ZNF362: variants seen among roughly 807,000 people sequenced by gnomAD.
ZNF362 encodes the protein rotund homolog.
A neutral mutation model predicts 42.9 loss-of-function variants in ZNF362; 11 were observed. That is an observed-to-expected ratio of 0.26 (90% CI 0.16 to 0.42). The LOEUF (loss-of-function observed/expected upper bound fraction) is 0.42. ZNF362 is among the 20% of genes least tolerant of loss of function. The pLI is 1.00. For synonymous variants in ZNF362, 255 were observed against 257.3 expected, an observed-to-expected ratio of 0.99 and a Z score of 0.09; for missense variants, 362 against 576.2, an observed-to-expected ratio of 0.63 and a Z score of 3.81.
the ZNF362 span, chr1:33,145,471 A>G: frequency 6.1e-6 from 1 of 165,146 alleles, no homozygotes; most frequent in Admixed American, 5.8e-5. Context: ...TTAAATAAAA[A>G]TACTGCTGGG....
chr1:33,164,643 T>G, the ZNF362 span: 1 of 152,526 alleles, frequency 6.6e-6, no homozygotes, highest in Admixed American at 6.5e-5. Context: ...CTGCAGAGTT[T>G]GGCCCTACCT....
chr1:33,188,977 G>A, the ZNF362 span, among the ~76,000 whole-genome samples: 1 of 152,126 alleles, frequency 6.6e-6, no homozygotes, highest in Non-Finnish European at 1.5e-5. Context: ...TTGCAGTCTT[G>A]CTCTTCACGA....
the ZNF362 span, among the ~76,000 whole-genome samples, chr1:33,151,890 G>A: frequency 2.0e-5 from 3 of 152,240 alleles, no homozygotes; most frequent in Admixed American, 1.3e-4. Context: ...CTGCTTGGCA[G>A]TGAGTGGATT....
In ZNF362 at chr1:33,280,458, G is replaced by T; in HGVS notation, c.683+1G>T. 1 of 1,577,774 alleles carries T rather than the reference G, an allele frequency of 6.3e-7. No homozygotes were observed. Among genetic ancestry groups the T allele is most frequent in the Non-Finnish European group, 8.6e-7 (1 of 1,159,184 alleles). ...CTGCCAAGGAGGGCAAGACGTACAG[G>T]TGGGGGTCTTGGCGGGATGGGGTCC... On this transcript the variant is annotated splice_donor_variant, in intron 5 of 8. Transcript: ENST00000539719. LOFTEE classifies it high-confidence loss of function. The surrounding 1 kb of genome is among the most constrained non-coding windows in gnomAD (Gnocchi z 5.6).
the ZNF362 span, among the ~76,000 whole-genome samples, chr1:33,203,746 C>T: frequency 6.6e-6 from 1 of 152,130 alleles, no homozygotes; most frequent in Admixed American, 6.5e-5. Flanking sequence ...TTTTCATACA[C>T]GTATTGACCA....
intron 6 of ZNF362, among the ~76,000 whole-genome samples, chr1:33,291,059 T>G (rs1646074488): frequency 6.6e-6 from 1 of 152,256 alleles, no homozygotes; most frequent in Non-Finnish European, 1.5e-5. Flanking sequence ...GCAGAAACTC[T>G]TTAGTTTAAT....
At chr1:33,214,054 T>C in the ZNF362 span, among the ~76,000 whole-genome samples, 1 of 151,700 alleles carries the variant, frequency 6.6e-6, no homozygotes, top group Non-Finnish European at 1.5e-5. Flanking sequence ...AAGAAATCAA[T>C]CCAATTAAAA....
At chr1:33,238,426 C>T in the ZNF362 span, among the ~76,000 whole-genome samples, 200 of 143,070 alleles carry the variant, frequency 1.4e-3, no homozygotes, top group African/African-American at 4.7e-3. Context: ...ATCTCTGCTT[C>T]AAACTAAAAA....
chr1:33,206,836 A>T, the ZNF362 span, among the ~76,000 whole-genome samples: 1 of 152,342 alleles, frequency 6.6e-6, no homozygotes, highest in African/African-American at 2.4e-5. Context: ...TATGTTCGAC[A>T]TCATTAATCA....
chr1:33,132,011 G>A, the ZNF362 span, among the ~76,000 whole-genome samples: 1 of 152,168 alleles, frequency 6.6e-6, no homozygotes, highest in Non-Finnish European at 1.5e-5. Flanking sequence ...CAGGCTCGAG[G>A]GGCCTTCGCA....
At chr1:33,146,016 G>A in the ZNF362 span, 1 of 423,718 alleles carries the variant, frequency 2.4e-6, no homozygotes, top group Non-Finnish European at 4.9e-6. Flanking sequence ...CACGGACCGT[G>A]GCAGAGGGAG....
the ZNF362 span, among the ~76,000 whole-genome samples, chr1:33,130,843 C>T: frequency 6.6e-6 from 1 of 152,158 alleles, no homozygotes; most frequent in Admixed American, 6.5e-5. Context: ...CTGAATTGTG[C>T]AGTGGCTGTG....
chr1:33,138,641 A>G, the ZNF362 span, among the ~76,000 whole-genome samples: 9 of 100,750 alleles, frequency 8.9e-5, no homozygotes, highest in Non-Finnish European at 1.5e-4. Flanking sequence ...AAAAAAAAAA[A>G]AAAAGAAAAG....
chr1:33,136,590 G>T, the ZNF362 span, among the ~76,000 whole-genome samples: 678 of 151,526 alleles, frequency 4.5e-3, 6 homozygotes, highest in African/African-American at 0.015. Context: ...GGCTGGTCTT[G>T]AACTCCTGGC....
the ZNF362 span, among the ~76,000 whole-genome samples, chr1:33,162,356 C>T: frequency 6.6e-6 from 1 of 152,226 alleles, no homozygotes; most frequent in South Asian, 2.1e-4. Context: ...CCTGCAAGAC[C>T]TAGCTTGAAA....
At chr1:33,187,768 G>C in the ZNF362 span, among the ~76,000 whole-genome samples, 2 of 152,166 alleles carry the variant, frequency 1.3e-5, no homozygotes, top group South Asian at 4.1e-4. Flanking sequence ...TGAGAACTAG[G>C]ATCTCTGGTT....
chr1:33,260,911 A>G (rs1645824291), intron 1 of ZNF362, among the ~76,000 whole-genome samples: 1 of 152,128 alleles, frequency 6.6e-6, no homozygotes, highest in Admixed American at 6.5e-5. Context: ...AACCTTTGAC[A>G]CTTGGAATCT....
chr1:33,249,825 C>T, the ZNF362 span, among the ~76,000 whole-genome samples: 1 of 152,196 alleles, frequency 6.6e-6, no homozygotes, highest in Non-Finnish European at 1.5e-5. Flanking sequence ...GCCAACATTA[C>T]TCTGGCCTAA....
At chr1:33,286,293 A>G (rs1646031887) in intron 6 of ZNF362, among the ~76,000 whole-genome samples, 2 of 152,196 alleles carry the variant, frequency 1.3e-5, no homozygotes, top group African/African-American at 4.8e-5. Context: ...CAGGCAAGCT[A>G]ATAAACACAA....
Sources: allele counts gnomAD v4.1 joint callset (sites outside exome capture counted in the v4.1 genomes callset), GRCh38; gene constraint gnomAD v4.1.1; non-coding constraint Gnocchi (gnomAD v3.1); transcripts MANE v1.5; gene names NCBI Gene and HGNC (gene_info 2026-07-23, HGNC 2026-07-21).